Variants in PCBP3 observed in about 807,000 individuals in gnomAD.
The protein encoded by PCBP3 is poly(rC)-binding protein 3.
In PCBP3, 25 loss-of-function variants were observed where a neutral mutation model predicts 52.7. The ratio of observed to expected loss-of-function variants is 0.47; its 90% confidence interval spans 0.35 to 0.66. The LOEUF (loss-of-function observed/expected upper bound fraction) is 0.66, where lower values mean the gene tolerates loss of function less well. Ranked by LOEUF, PCBP3 falls within the 30% of genes least tolerant of loss-of-function variation. PCBP3 has a pLI of 0.01. For missense variants in PCBP3, 391 were observed against 490.3 expected, an observed-to-expected ratio of 0.80 and a Z score of 1.91; for synonymous variants, 162 against 183.0, an observed-to-expected ratio of 0.89 and a Z score of 0.93.
chr21:45,843,520 T>C (rs2148042598), intron 4 of PCBP3, among the ~76,000 whole-genome samples: 1 of 152,348 alleles, frequency 6.6e-6, no homozygotes, highest in Middle Eastern at 3.4e-3. Flanking sequence ...GTTTCTTTAC[T>C]CCTTTTAAAA....
At chr21:45,894,661 G>T (rs1287364031) in intron 5 of PCBP3, among the ~76,000 whole-genome samples, 1 of 152,220 alleles carries the variant, frequency 6.6e-6, no homozygotes, top group East Asian at 1.9e-4. Flanking sequence ...GCCTCTCTCT[G>T]TGCTTTTCCC....
At chr21:45,887,351 G>C (rs958325419) in intron 5 of PCBP3, among the ~76,000 whole-genome samples, 1 of 152,246 alleles carries the variant, frequency 6.6e-6, no homozygotes, top group Non-Finnish European at 1.5e-5. Flanking sequence ...TGGCATCTGA[G>C]AGCACAGATG....
intron 9 of PCBP3, among the ~76,000 whole-genome samples, chr21:45,906,007 C>T (rs189162526): frequency 6.6e-5 from 10 of 152,274 alleles, no homozygotes; most frequent in Non-Finnish European, 8.8e-5. Context: ...GGCGTCACCA[C>T]GATGTGTCAG....
At chr21:45,938,441 C>T (rs2077108494) in intron 16 of PCBP3, among the ~76,000 whole-genome samples, 1 of 152,242 alleles carries the variant, frequency 6.6e-6, no homozygotes, top group Admixed American at 6.5e-5. Context: ...GTGCTGCTGT[C>T]CCTGGCCCCC....
chr21:45,815,109 TGGTG>T (rs1569260294), intron 4 of PCBP3, among the ~76,000 whole-genome samples: 1 of 79,126 alleles, frequency 1.3e-5, no homozygotes. Flanking sequence ...GAGTGGTGAG[TGGTG>T]AGTGAGTGGT....
chr21:45,873,884 C>T (rs1293896666), intron 5 of PCBP3, among the ~76,000 whole-genome samples: 1 of 152,266 alleles, frequency 6.6e-6, no homozygotes, highest in Non-Finnish European at 1.5e-5. Context: ...TACCCTCCAC[C>T]TCCCAGGCAG....
At chr21:45,712,477 C>A (rs898161753) in intron 2 of PCBP3, among the ~76,000 whole-genome samples, 3 of 152,048 alleles carry the variant, frequency 2.0e-5, no homozygotes, top group African/African-American at 7.2e-5. Context: ...TTTTAATATG[C>A]AGTTTCCTAA....
At chr21:45,721,275 T>C (rs1329575027) in intron 2 of PCBP3, among the ~76,000 whole-genome samples, 1 of 152,080 alleles carries the variant, frequency 6.6e-6, no homozygotes, top group African/African-American at 2.4e-5. Flanking sequence ...TAGCCAGGCA[T>C]GGTGGCGGGT....
In PCBP3 at chr21:45,941,650, C is replaced by T; in HGVS notation, c.1080-20C>T. On this transcript the variant is annotated intron_variant, in intron 17 of 17. Transcript: ENST00000681687. The stretch of plus-strand genomic sequence containing the variant: ...GTTGGTTGTGACCGTCTCTCCCTCT[C>T]CTGCCTTTGTCTGTTCCAGGCTGAC... 1 of 1,604,474 alleles carries T rather than the reference C, an allele frequency of 6.2e-7. No individual in the cohort carries two copies. The highest frequency in any genetic ancestry group is 8.5e-7 in the Non-Finnish European group (1 of 1,175,288).
At position 45,883,813 on chromosome 21, in the gene PCBP3, T is replaced by A. The variant is rs74583043; in HGVS notation, c.11-12395T>A. ...TTTCTGTAGACAGCATATGATGGGGTCATATTTTTAAATCCACTCTGCCCA... is the reference window on the plus strand; with the variant it reads ...TTTCTGTAGACAGCATATGATGGGGACATATTTTTAAATCCACTCTGCCCA... On this transcript the variant is annotated intron_variant, in intron 5 of 17. Transcript: ENST00000681687. Among the ~76,000 whole-genome samples the A allele has an allele frequency of 3.3e-5, 5 of 152,330 alleles. No individual in the cohort carries two copies. In the East Asian group the frequency reaches 9.6e-4, roughly 29 times the overall value.
intron 3 of PCBP3, among the ~76,000 whole-genome samples, chr21:45,754,450 C>A (rs2087840602): frequency 6.6e-6 from 1 of 152,144 alleles, no homozygotes; most frequent in Non-Finnish European, 1.5e-5. Flanking sequence ...GGCCTGCTAA[C>A]CTACCCAAAT....
chr21:45,650,094 A>T lies in PCBP3; in HGVS notation c.-279+6226A>T, dbSNP rs188109310. Among the ~76,000 whole-genome samples the T allele has an allele frequency of 2.2e-3, 329 of 152,132 alleles. 3 individuals carry two copies. Among genetic ancestry groups the T allele is most frequent in the Non-Finnish European group, 4.0e-3 (274 of 67,982 alleles). ...TTGTAATCCCAACACTGAGAGGCTG[A>T]GGCTGGAGGATCATTTGAGCGCAGG... is the stretch of plus-strand genomic sequence containing the variant. On this transcript the variant is annotated intron_variant, in intron 1 of 17. Transcript: ENST00000681687.
intron 4 of PCBP3, among the ~76,000 whole-genome samples, chr21:45,795,768 T>C (rs2091892977): frequency 6.6e-6 from 1 of 152,210 alleles, no homozygotes; most frequent in Non-Finnish European, 1.5e-5. Context: ...TGGAAACTTA[T>C]TGCTTGGTGC....
At chr21:45,796,292 C>T (rs1159006987) in intron 4 of PCBP3, among the ~76,000 whole-genome samples, 1 of 152,194 alleles carries the variant, frequency 6.6e-6, no homozygotes, top group Non-Finnish European at 1.5e-5. Flanking sequence ...GATGTGCAAT[C>T]ATAAGTAAAG....
chr21:45,812,705 G>A (rs1195437198), intron 4 of PCBP3, among the ~76,000 whole-genome samples: 3 of 152,180 alleles, frequency 2.0e-5, no homozygotes, highest in African/African-American at 7.2e-5. Flanking sequence ...AACATTTTTT[G>A]TAGTGCAGTT....
intron 2 of PCBP3, among the ~76,000 whole-genome samples, chr21:45,688,437 T>C (rs774490500): frequency 2.0e-5 from 3 of 152,142 alleles, no homozygotes; most frequent in Non-Finnish European, 2.9e-5. Context: ...TATTTCCAAA[T>C]ATAAAAAGTT....
At position 45,829,645 on chromosome 21, in the gene PCBP3, C is replaced by T. The variant is rs181560810; in HGVS notation, c.-125-20316C>T. The stretch of plus-strand genomic sequence containing the variant: ...TACTGGGTTTCCTCACCCCAGACCC[C>T]ACCTGAAGAGCAAAGTTCTGAAGGA... On this transcript the variant is annotated intron_variant, in intron 4 of 17. Coordinates refer to ENST00000681687, the MANE Select transcript of PCBP3 (RefSeq NM_001384156.1). This position sits in a 1 kb window ranked among gnomAD's most constrained non-coding sequence, Gnocchi z 5.2. 1.3e-5 allele frequency: 2 copies of T among 152,374 alleles called. No individual in the cohort carries two copies. Among genetic ancestry groups the T allele is most frequent in the African/African-American group, 4.8e-5 (2 of 41,578 alleles). The allele number at this position is 152,374 out of a possible 1,614,324, so 9.4% of individuals were successfully genotyped here.
At chr21:45,770,938 C>T (rs1603412487) in intron 4 of PCBP3, among the ~76,000 whole-genome samples, 2 of 152,246 alleles carry the variant, frequency 1.3e-5, no homozygotes, top group African/African-American at 2.4e-5. Context: ...TGGGAGCTTG[C>T]GGAGGGCCCT....
chr21:45,822,992 G>C (rs10854471), intron 4 of PCBP3, among the ~76,000 whole-genome samples: 44,773 of 151,530 alleles, frequency 0.3, 7,726 homozygotes, highest in East Asian at 0.7. Context: ...GGGCCCTAGC[G>C]GGGGGTAAGG....
Sources: gnomAD v4.1 joint callset for allele counts (sites outside exome capture counted in the v4.1 genomes callset) on GRCh38, gnomAD v4.1.1 for gene constraint, Gnocchi (gnomAD v3.1) non-coding constraint, MANE v1.5 for transcripts, NCBI Gene and HGNC (gene_info 2026-07-23, HGNC 2026-07-21) for gene names.